The following MYH3 variants were observed in gnomAD, a reference collection of about 807,000 sequenced individuals.
The protein encoded by MYH3 is myosin-3.
MYH3 carries 130 observed loss-of-function variants against 238.0 expected under a neutral mutation model. The ratio of observed to expected loss-of-function variants is 0.55; its 90% CI spans 0.47 to 0.63. MYH3 has a LOEUF of 0.63. MYH3 is among the 30% of genes least tolerant of loss of function. The probability of loss-of-function intolerance (pLI) is 0.00; values close to 1 mark genes in which losing one functional copy is unlikely to be tolerated. For missense variants in MYH3, 1,853 were observed against 2,374.9 expected (o/e 0.78, Z 4.57); for synonymous variants, 880 against 924.1 (o/e 0.95, Z 0.86).
Position 10,642,767 on chromosome 17 carries a change from T to C in MYH3, c.1582-44A>G. On this transcript the variant is annotated intron_variant, in intron 15 of 40. Coordinates refer to ENST00000583535, the MANE Select transcript of MYH3 (RefSeq NM_002470.4). This position sits in a 1 kb window ranked among gnomAD's most constrained non-coding sequence, Gnocchi z 5.4. ...AAAGTGCAGAGAGGTAAATATGAGCTGCAGTAATGAGCAGAAGAGTCTATG... is the reference window on the plus strand; with the variant it reads ...AAAGTGCAGAGAGGTAAATATGAGCCGCAGTAATGAGCAGAAGAGTCTATG... 3 of 1,614,110 alleles carry C rather than the reference T, an allele frequency of 1.9e-6. No individual in the cohort carries two copies. The highest frequency in any genetic ancestry group is 2.5e-6 in the Non-Finnish European group (3 of 1,180,026).
chr17:10,648,683 A>AT lies in MYH3; in HGVS notation c.643-35dup, dbSNP rs3214114. Reference sequence around the variant, plus strand: ...AGAAATTGAGGGAAGAAGAGGAAACATTTTTTTTTGAGATGGAGTTACACT... The same window carrying AT: ...AGAAATTGAGGGAAGAAGAGGAAACATTTTTTTTTTGAGATGGAGTTACACT... On this transcript the variant is annotated intron_variant, in intron 7 of 40. Coordinates refer to ENST00000583535, the MANE Select transcript of MYH3 (RefSeq NM_002470.4). 0.62 allele frequency: 869,293 copies of AT among 1,394,242 alleles called. 269,206 individuals carry two copies. Among genetic ancestry groups the AT allele is most frequent in the Non-Finnish European group, 0.68 (664,594 of 984,132 alleles). 86.4% of individuals were successfully genotyped at this position (1,394,242 alleles called of 1,614,324 possible). A position where few individuals can be genotyped will look rare whatever the true frequency, so the allele number is the denominator to read the frequency against.
At chr17:10,635,967 T>C (rs1433342345) in intron 28 of MYH3, 114 bp from the exon 29 acceptor site, 8 of 906,332 alleles carry the variant, frequency 8.8e-6, no homozygotes, top group Non-Finnish European at 1.5e-5. Context: ...TGATAAGATA[T>C]GGTTTCTTCT....
upstream of MYH3, chr17:10,657,403 C>G (rs766272830): frequency 1.3e-5 from 2 of 152,290 alleles, no homozygotes; most frequent in African/African-American, 4.8e-5. Flanking sequence ...GAGTGGCCCC[C>G]CCAAGCCGAG....
chr17:10,669,059 G>A, the MYH3 span, among the ~76,000 whole-genome samples: 1 of 152,136 alleles, frequency 6.6e-6, no homozygotes, highest in East Asian at 1.9e-4. Context: ...CTTGATTGAT[G>A]GGGAAACTAT....
rs1388511372 is a variant in MYH3 at position 10,637,913 on chromosome 17, C to T, written c.3752G>A (p.Arg1251Gln). ...KSKANLEKIC[R>Q]TLEDQLSEAR... ...CTCACTTAACTGATCCTCCAGGGTT[C>T]GGCAGATTTTTTCCAGATTTGCCTG... is the stretch of plus-strand genomic sequence containing the variant. Residue 1251 changes from arginine to glutamine, a missense_variant, in exon 28 of 41, where the codon CGA becomes CAA. Around this residue, in one of 3 missense-constraint regions of MYH3, gnomAD observed 1,044 missense variants for 1,192.6 expected, o/e 0.88. Coordinates refer to ENST00000583535, the MANE Select transcript of MYH3 (RefSeq NM_002470.4). 5.0e-6 allele frequency: 8 copies of T among 1,614,098 alleles called. No homozygotes were observed. The highest frequency in any genetic ancestry group is 1.6e-4 in the Middle Eastern group (1 of 6,062).
intron 28 of MYH3, 120 bp downstream of exon 28, chr17:10,637,689 C>T (rs926519697): frequency 1.4e-5 from 19 of 1,364,046 alleles, no homozygotes; most frequent in Non-Finnish European, 2.0e-5. Flanking sequence ...TTTCTTCTCT[C>T]CTGAAAAGAT....
chr17:10,634,194 G>T lies in MYH3; in HGVS notation c.4357-12C>A. On this transcript the variant is annotated splice_polypyrimidine_tract_variant and intron_variant, in intron 31 of 40. Coordinates refer to ENST00000583535, the MANE Select transcript of MYH3 (RefSeq NM_002470.4). ...CACTCTGCCAACACCTGAAACACCG[G>T]ACGGAAGTTCTCTCCGTTTCTGAGC... 6.2e-7 allele frequency: 1 copy of T among 1,614,076 alleles called. No individual in the cohort carries two copies. Among genetic ancestry groups the T allele is most frequent in the Non-Finnish European group, 8.5e-7 (1 of 1,180,006 alleles).
rs137974114 is a variant in MYH3, at chr17:10,635,546, C to T, written c.3993G>A (p.Ala1331=). The change falls in exon 30 of 41, where the codon GCG becomes GCA. Residue 1331 remains alanine (A), a synonymous_variant. Transcript: ENST00000583535. ...CGTGGCGGGAGGACTGCAGGGCGTG[C>T]GCCAGGGCGTTCTTGGCCTGCAGAA... is the stretch of plus-strand genomic sequence containing the variant. ...EEENKAKNAL[A]HALQSSRHDC... 272 of 1,614,074 alleles carry T rather than the reference C, an allele frequency of 1.7e-4. No homozygotes were observed. The highest frequency in any genetic ancestry group is 2.7e-4 in the Admixed American group (16 of 60,000).
the MYH3 span, among the ~76,000 whole-genome samples, chr17:10,671,134 TC>T: frequency 6.6e-6 from 1 of 152,166 alleles, no homozygotes; most frequent in Non-Finnish European, 1.5e-5. Flanking sequence ...CCTCAGGTGA[TC>T]CGCCCGCCTT....
At chr17:10,653,364 G>A (rs2074397338) in intron 3 of MYH3, among the ~76,000 whole-genome samples, 1 of 152,170 alleles carries the variant, frequency 6.6e-6, no homozygotes, top group Middle Eastern at 3.2e-3. Context: ...GGTGCCCATG[G>A]ATTGCCAACA....
chr17:10,653,407 C>T (rs556589617), intron 3 of MYH3, among the ~76,000 whole-genome samples: 1 of 152,276 alleles, frequency 6.6e-6, no homozygotes, highest in African/African-American at 2.4e-5. Flanking sequence ...TGTCCAGCCC[C>T]CGGCCCACCT....
rs2074406488 is a variant in MYH3, at chr17:10,654,205, C to T, written c.204+656G>A. ...TTCTTTCTTCCTTCTTTCTTTCCTT[C>T]CTTCCTTCCCTCCATCTCTCTTTCA... On this transcript the variant is annotated intron_variant, in intron 3 of 40. Coordinates refer to ENST00000583535, the MANE Select transcript of MYH3 (RefSeq NM_002470.4). The surrounding 1 kb of genome is among the most constrained non-coding windows in gnomAD (Gnocchi z 4.5). 6.6e-6 allele frequency among the ~76,000 whole-genome samples: 1 copy of T among 150,820 alleles called. No individual in the cohort carries two copies. The highest frequency in any genetic ancestry group is 2.4e-5 in the African/African-American group (1 of 40,892).
chr17:10,635,903 A>C, intron 28 of MYH3, 50 bp from the exon 29 acceptor site: 1 of 1,478,320 alleles, frequency 6.8e-7, no homozygotes, highest in Non-Finnish European at 9.5e-7. Flanking sequence ...TCATTCACTC[A>C]CCAACTTTCT....
In MYH3 at chr17:10,635,347, A is replaced by G; in HGVS notation, c.4172+20T>C. The G allele has an allele frequency of 6.2e-7, 1 of 1,614,010 alleles. No homozygotes were observed. The highest frequency in any genetic ancestry group is 8.5e-7 in the Non-Finnish European group (1 of 1,179,872). ...ATTCATTCCTAAGTAGTTCTTCTAA[A>G]AGCAAACAGAGCTGCGCACTTGGCC... On this transcript the variant is annotated intron_variant, in intron 30 of 40. Transcript: ENST00000583535.
intron 10 of MYH3, among the ~76,000 whole-genome samples, 172 bp from the exon 11 acceptor site, chr17:10,646,204 T>C (rs1374312596): frequency 2.0e-5 from 3 of 152,144 alleles, no homozygotes; most frequent in African/African-American, 2.4e-5. Context: ...ATGGAAAATA[T>C]AGTCCAGGGA....
Position 10,651,569 on chromosome 17 carries a change from C to T in MYH3, c.448G>A (p.Glu150Lys). ...ATGGAGAAGATGTGGGGTGGGGCCT[C>T]CTGGCGCTTTTTGCCTCGGTAGCCT... ...VEGYRGKKRQEAPPHIFSISD... is the reference protein window; with the variant it reads ...VEGYRGKKRQKAPPHIFSISD... Residue 150 changes from glutamate (E) to lysine (K), a missense_variant, in exon 5 of 41, where the codon GAG becomes AAG. Physicochemically the swap from Glu to Lys is moderately conservative, Grantham distance 56. This residue lies in a region of MYH3 where 678 missense variants were observed against 1,058.9 expected (regional missense o/e 0.64). Coordinates refer to ENST00000583535, the MANE Select transcript of MYH3 (RefSeq NM_002470.4). 1 of 1,613,992 alleles carries T rather than the reference C, an allele frequency of 6.2e-7. No individual in the cohort carries two copies. Among genetic ancestry groups the T allele is most frequent in the Non-Finnish European group, 8.5e-7 (1 of 1,179,930 alleles).
In MYH3 at chr17:10,645,996, G is replaced by C; in HGVS notation, c.935C>G (p.Pro312Arg). 1 of 1,613,956 alleles carries C rather than the reference G, an allele frequency of 6.2e-7. No homozygotes were observed. Among genetic ancestry groups the C allele is most frequent in the East Asian group, 2.2e-5 (1 of 44,846 alleles). The stretch of plus-strand genomic sequence containing the variant: ...CAGGATCTCCCCCTGGCTAATGAAC[G>C]GGTAGTCGTAAGGGTTGGTCGTAAT... ...LLITTNPYDYPFISQGEILVA... is the reference protein window; with the variant it reads ...LLITTNPYDYRFISQGEILVA... Residue 312 changes from proline to arginine, a missense_variant, in exon 11 of 41, where the codon CCG becomes CGG. By Grantham distance (103) the Pro-to-Arg change is moderately radical (BLOSUM62 -2). Transcript: ENST00000583535.
At chr17:10,662,803 G>A in the MYH3 span, among the ~76,000 whole-genome samples, 4 of 151,920 alleles carry the variant, frequency 2.6e-5, no homozygotes, top group African/African-American at 9.7e-5. Context: ...AAACATTATC[G>A]GGGCTGAGTG....
rs1411514902 is a variant in MYH3 at position 10,655,904 on chromosome 17, C to A, written c.-9+186G>T. On this transcript the variant is annotated intron_variant, in intron 2 of 40. Transcript: ENST00000583535. ...TGACCTCATGATCTGCCCACCTCGG[C>A]CTCTCAAAGTGCTGGGATTACAGGT... 6.6e-5 allele frequency among the ~76,000 whole-genome samples: 10 copies of A among 152,266 alleles called. No individual in the cohort carries two copies. In the East Asian group the frequency reaches 1.7e-3, roughly 27 times the overall value.
Sources: gnomAD v4.1 joint callset for allele counts (sites outside exome capture counted in the v4.1 genomes callset) on GRCh38, gnomAD v4.1.1 for gene constraint, gnomAD v4.1.1 regional missense constraint, Gnocchi (gnomAD v3.1) non-coding constraint, MANE v1.5 for transcripts, NCBI Gene and HGNC (gene_info 2026-07-23, HGNC 2026-07-21) for gene names.